Variants in FRAS1 observed in about 807,000 individuals in gnomAD.
FRAS1 encodes extracellular matrix organizing protein FRAS1.
FRAS1 carries 290 observed loss-of-function variants against 435.2 expected under a neutral mutation model. The ratio of observed to expected loss-of-function variants is 0.67; its 90% confidence interval spans 0.61 to 0.73. The LOEUF (loss-of-function observed/expected upper bound fraction) is 0.73. Ranked by LOEUF, FRAS1 falls within the 30% of genes least tolerant of loss-of-function variation. The pLI, the probability that FRAS1 is intolerant of heterozygous loss-of-function variation, is 0.00. For missense variants in FRAS1, 4,860 were observed against 5,001.5 expected (o/e 0.97, Z 0.85); for synonymous variants, 1,800 against 1,851.0 (o/e 0.97, Z 0.71).
rs1284563280 is a variant in FRAS1, at chr4:78,252,562, G to A, written c.469+11G>A. The A allele has an allele frequency of 3.1e-6, 5 of 1,609,050 alleles. No individual in the cohort carries two copies. The highest frequency in any genetic ancestry group is 4.2e-6 in the Non-Finnish European group (5 of 1,177,862). The stretch of plus-strand genomic sequence containing the variant: ...GTGTGGGCCTTGGGAGTGAGTATGA[G>A]CTTGTAGAAGGGGACCCTCTTTGCT... On this transcript the variant is annotated intron_variant, in intron 5 of 73. Transcript: ENST00000512123.
intron 2 of FRAS1, among the ~76,000 whole-genome samples, chr4:78,188,527 G>A (rs1183678148): frequency 6.6e-6 from 1 of 152,108 alleles, no homozygotes; most frequent in Non-Finnish European, 1.5e-5. Context: ...TACTTATAAG[G>A]CCTTTCAACT....
chr4:78,505,632 C>T (rs1375702862), intron 61 of FRAS1, among the ~76,000 whole-genome samples: 2 of 152,084 alleles, frequency 1.3e-5, no homozygotes, highest in African/African-American at 2.4e-5. Context: ...ATTCGTCTAC[C>T]CTTTTTTCAA....
chr4:78,438,629 T>C lies in FRAS1; in HGVS notation c.5277T>C (p.Gly1759=), dbSNP rs1734523090. The C allele has an allele frequency of 1.9e-6, 3 of 1,613,678 alleles. No homozygotes were observed. The highest frequency in any genetic ancestry group is 2.5e-6 in the Non-Finnish European group (3 of 1,179,724). Residue 1759 remains glycine, a synonymous_variant, in exon 39 of 74, where the codon GGT becomes GGC. Coordinates refer to ENST00000512123, the MANE Select transcript of FRAS1 (RefSeq NM_025074.7). ...AGTTAAATTATCTGCCCTCATATGG[T>C]ACTCTCTTAAGAATCTCAGGATCTG... ...WIQLNYLPSY[G]TLLRISGSEV...
intron 2 of FRAS1, among the ~76,000 whole-genome samples, chr4:78,083,433 G>A (rs1045525632): frequency 1.3e-5 from 2 of 152,086 alleles, no homozygotes; most frequent in Non-Finnish European, 2.9e-5. Flanking sequence ...TTTATCAGGA[G>A]ACCTGGCTTA....
intron 41 of FRAS1, among the ~76,000 whole-genome samples, chr4:78,443,672 G>A (rs1443052069): frequency 6.6e-6 from 1 of 152,166 alleles, no homozygotes; most frequent in Admixed American, 6.5e-5. Flanking sequence ...AAGAAAGCAG[G>A]TAGCACATTA....
intron 61 of FRAS1, among the ~76,000 whole-genome samples, chr4:78,507,114 G>A (rs1200427356): frequency 6.6e-6 from 1 of 152,180 alleles, no homozygotes; most frequent in Non-Finnish European, 1.5e-5. Flanking sequence ...TAACCAGGGT[G>A]AAGTGTATTT....
chr4:78,152,894 G>T (rs1720729830), intron 2 of FRAS1, among the ~76,000 whole-genome samples: 2 of 152,072 alleles, frequency 1.3e-5, no homozygotes, highest in Admixed American at 6.6e-5. Flanking sequence ...CTCATTACCT[G>T]CAGTCATGTT....
intron 2 of FRAS1, among the ~76,000 whole-genome samples, chr4:78,123,399 G>A (rs1480195652): frequency 3.3e-5 from 5 of 152,184 alleles, no homozygotes; most frequent in African/African-American, 4.8e-5. Context: ...ATAGTTTGAC[G>A]TCAGGTAGCA....
intron 2 of FRAS1, among the ~76,000 whole-genome samples, chr4:78,221,819 G>T (rs761303860): frequency 1.1e-4 from 17 of 152,128 alleles, no homozygotes; most frequent in Non-Finnish European, 2.1e-4. Context: ...CAACACCCCT[G>T]TAAGTCCCAT....
chr4:78,463,589 A>T (rs182534623), intron 47 of FRAS1, among the ~76,000 whole-genome samples: 1 of 152,340 alleles, frequency 6.6e-6, no homozygotes, highest in African/African-American at 2.4e-5. Flanking sequence ...AAGCCCTGTA[A>T]CGTTAGTTTA....
rs759500288 is a variant in FRAS1, at chr4:78,282,893, C to T, written c.1181C>T (p.Pro394Leu). Residue 394 changes from proline to leucine, a missense_variant, in exon 12 of 74, where the codon CCC becomes CTC. By Grantham distance (98) the Pro-to-Leu change is moderately conservative (BLOSUM62 -3). Transcript: ENST00000512123. ...CRGAQVTCYE[P>L]SCPPCPVGTL... ...GGGGCTCAGGTAACTTGCTACGAGC[C>T]CTCTTGCCCACCATGTCCAGTGGGC... 3 of 1,612,310 alleles carry T rather than the reference C, an allele frequency of 1.9e-6. No individual in the cohort carries two copies. Among genetic ancestry groups the T allele is most frequent in the South Asian group, 2.2e-5 (2 of 90,804 alleles).
chr4:78,206,912 T>G (rs1009846006), intron 2 of FRAS1, among the ~76,000 whole-genome samples: 1 of 152,234 alleles, frequency 6.6e-6, no homozygotes, highest in African/African-American at 2.4e-5. Context: ...TCCACCCTTA[T>G]CAGTTGCTGC....
At chr4:78,537,356 T>C (rs1451628037) in intron 72 of FRAS1, among the ~76,000 whole-genome samples, 156 bp downstream of exon 72, 1 of 152,238 alleles carries the variant, frequency 6.6e-6, no homozygotes, top group East Asian at 1.9e-4. Context: ...TAAATACTAG[T>C]ACATAGGTGG....
chr4:78,088,827 G>A (rs1741350847), intron 2 of FRAS1, among the ~76,000 whole-genome samples: 2 of 152,162 alleles, frequency 1.3e-5, no homozygotes. Flanking sequence ...TTACACTGTT[G>A]GTGGGACTGT....
intron 61 of FRAS1, among the ~76,000 whole-genome samples, chr4:78,506,592 C>T (rs1720851967): frequency 6.6e-6 from 1 of 152,224 alleles, no homozygotes. Flanking sequence ...CTGCTGGTTG[C>T]TAAGACTGTG....
intron 45 of FRAS1, among the ~76,000 whole-genome samples, chr4:78,450,833 A>G (rs971447931): frequency 1.3e-5 from 2 of 152,218 alleles, no homozygotes; most frequent in Non-Finnish European, 2.9e-5. Context: ...GATGTAATGT[A>G]AAGGCATAAA....
intron 3 of FRAS1, among the ~76,000 whole-genome samples, chr4:78,238,088 A>G (rs1348941389): frequency 1.3e-5 from 2 of 152,156 alleles, no homozygotes; most frequent in East Asian, 3.9e-4. Context: ...GAAAGTCAGA[A>G]CTGACTTATT....
In FRAS1 at chr4:78,421,919, G is replaced by A; in HGVS notation, c.4597G>A (p.Asp1533Asn). The change falls in exon 34 of 74, where the codon GAT (aspartate) becomes AAT (asparagine). Residue 1533 changes from aspartate to asparagine, a missense_variant. Physicochemically the swap from Asp to Asn is conservative, Grantham distance 23. Transcript: ENST00000512123. Reference sequence around the variant, plus strand: ...TCCTATCCGGTATTTCACGCAAGAGGATATTAACCAGGGCAAAGTCATGTA... The same window carrying A: ...TCCTATCCGGTATTTCACGCAAGAGAATATTAACCAGGGCAAAGTCATGTA... ...HSPIRYFTQE[D>N]INQGKVMYRP... 1.2e-6 allele frequency: 2 copies of A among 1,613,822 alleles called. No homozygotes were observed. The highest frequency in any genetic ancestry group is 1.7e-6 in the Non-Finnish European group (2 of 1,179,838).
At chr4:78,424,831 TAC>T (rs1733936238) in intron 35 of FRAS1, among the ~76,000 whole-genome samples, 1 of 151,774 alleles carries the variant, frequency 6.6e-6, no homozygotes, top group Non-Finnish European at 1.5e-5. Context: ...GAGTCCTAGC[TAC>T]TCAGGAGGAT....
Sources: gnomAD v4.1 joint callset for allele counts (sites outside exome capture counted in the v4.1 genomes callset) on GRCh38, gnomAD v4.1.1 for gene constraint, MANE v1.5 for transcripts, NCBI Gene and HGNC (gene_info 2026-07-23, HGNC 2026-07-21) for gene names.